The following TMEM38A variants were observed in gnomAD, a reference collection of about 807,000 sequenced individuals.
TMEM38A encodes transmembrane protein 38A.
Under a neutral mutation model 28.6 loss-of-function variants are expected in TMEM38A, and 17 were observed. The observed-to-expected ratio is 0.60, with a 90% CI of 0.41 to 0.89. The LOEUF (loss-of-function observed/expected upper bound fraction) is 0.89, where lower values mean the gene tolerates loss of function less well. Among genes scored for constraint, TMEM38A ranks in the 40% least tolerant of loss-of-function variants. The pLI is 0.00. For missense variants in TMEM38A, 328 were observed against 393.1 expected (o/e 0.83, Z 1.40); for synonymous variants, 169 against 166.1 (o/e 1.02, Z -0.14).
intron 1 of TMEM38A, among the ~76,000 whole-genome samples, chr19:16,667,476 G>T (rs185821867): frequency 6.6e-6 from 1 of 152,128 alleles, no homozygotes; most frequent in African/African-American, 2.4e-5. Flanking sequence ...AATCCTGGTT[G>T]CCTTGAGCCT....
At chr19:16,680,221 G>T in intron 2 of TMEM38A, 81 bp downstream of exon 2, 1 of 1,552,318 alleles carries the variant, frequency 6.4e-7, no homozygotes, top group African/African-American at 1.4e-5. Context: ...GAGGTTGGAG[G>T]AATTAGAATG....
In TMEM38A at chr19:16,661,292, C is replaced by T. The variant is rs775502907; in HGVS notation, c.75C>T (p.Phe25=). The T allele has an allele frequency of 1.3e-6, 2 of 1,599,932 alleles. No individual in the cohort carries two copies. Among genetic ancestry groups the T allele is most frequent in the Admixed American group, 1.7e-5 (1 of 58,556 alleles). The change falls in exon 1 of 6, where the codon TTC becomes TTT. Residue 25 remains phenylalanine, a synonymous_variant. Transcript: ENST00000187762. This position sits in a 1 kb window ranked among gnomAD's most constrained non-coding sequence, Gnocchi z 6.5. ...SFSRVPLFPV[F]DLSYFIVSIL... ...CGCGGGTGCCGCTCTTCCCCGTCTTCGACCTCAGTTACTTCATCGTCTCCA... is the reference window on the plus strand; with the variant it reads ...CGCGGGTGCCGCTCTTCCCCGTCTTTGACCTCAGTTACTTCATCGTCTCCA...
intron 1 of TMEM38A, among the ~76,000 whole-genome samples, chr19:16,670,269 G>GTTTT (rs1411682446): frequency 8.2e-6 from 1 of 121,410 alleles, no homozygotes; most frequent in African/African-American, 3.2e-5. Context: ...CGCCCGGCCT[G>GTTTT]TTTTTTGTTT....
intron 3 of TMEM38A, among the ~76,000 whole-genome samples, chr19:16,682,030 T>C (rs539590967): frequency 1.9e-4 from 29 of 152,154 alleles, no homozygotes; most frequent in Non-Finnish European, 2.5e-4. Flanking sequence ...CTCCAGAGGA[T>C]GGGTGGCTTG....
At position 16,672,446 on chromosome 19, in the gene TMEM38A, A is replaced by ATTTTTTTT. The variant is rs746189021; in HGVS notation, c.125-7525_125-7518dup. ...TAAAAAAAAATCACAAAAAAACCTCATTTTTTTTTTTTTTTTTTTTGAGGC... is the reference window on the plus strand; with the variant it reads ...TAAAAAAAAATCACAAAAAAACCTCATTTTTTTTTTTTTTTTTTTTTTTTTTTTGAGGC... On this transcript the variant is annotated intron_variant, in intron 1 of 5. Transcript: ENST00000187762. Among the ~76,000 whole-genome samples the ATTTTTTTT allele has an allele frequency of 9.9e-3, 1,042 of 104,936 alleles. 108 individuals are homozygous for ATTTTTTTT. Among genetic ancestry groups the ATTTTTTTT allele is most frequent in the African/African-American group, 0.032 (759 of 23,376 alleles). 68.8% of individuals were successfully genotyped at this position (104,936 alleles called of 152,430 possible). A position where few individuals can be genotyped will look rare whatever the true frequency, so the allele number is the denominator to read the frequency against.
chr19:16,661,424 C>G lies in TMEM38A; in HGVS notation c.124+83C>G. Reference sequence around the variant, plus strand: ...CTCGGGGGTCGCAGAGAGGGGAAGCCCGTGCGTGGTGGAGGGAGCGAGGGA... The same window carrying G: ...CTCGGGGGTCGCAGAGAGGGGAAGCGCGTGCGTGGTGGAGGGAGCGAGGGA... On this transcript the variant is annotated intron_variant, in intron 1 of 5. Transcript: ENST00000187762. The surrounding 1 kb of genome is among the most constrained non-coding windows in gnomAD (Gnocchi z 6.5). 1 of 1,254,216 alleles carries G rather than the reference C, an allele frequency of 8.0e-7. No individual in the cohort carries two copies. The highest frequency in any genetic ancestry group is 1.1e-6 in the Non-Finnish European group (1 of 931,336). The allele number at this position is 1,254,216 out of a possible 1,614,324, so 77.7% of individuals were successfully genotyped here. A position where few individuals can be genotyped will look rare whatever the true frequency, so the allele number is the denominator to read the frequency against.
chr19:16,682,497 G>A lies in TMEM38A; in HGVS notation c.543G>A (p.Leu181=), dbSNP rs772674389. The A allele has an allele frequency of 6.2e-7, 1 of 1,613,844 alleles. No individual in the cohort carries two copies. Among genetic ancestry groups the A allele is most frequent in the East Asian group, 2.2e-5 (1 of 44,880 alleles). Reference sequence around the variant, plus strand: ...GGAAGCCAGAGACCAACGAGATCCTGCACATGTCTTTGTGAGTATCCCACT... The same window carrying A: ...GGAAGCCAGAGACCAACGAGATCCTACACATGTCTTTGTGAGTATCCCACT... ...GVWKPETNEI[L]HMSFPTKASL... Residue 181 remains leucine (L), a synonymous_variant, in exon 4 of 6, where the codon CTG becomes CTA. Coordinates refer to ENST00000187762, the MANE Select transcript of TMEM38A (RefSeq NM_024074.4).
intron 1 of TMEM38A, among the ~76,000 whole-genome samples, chr19:16,663,615 G>A (rs567425232): frequency 5.3e-5 from 8 of 150,798 alleles, no homozygotes; most frequent in African/African-American, 1.2e-4. Context: ...TGCAAGCTCC[G>A]CCTCCTGGGT....
intron 1 of TMEM38A, among the ~76,000 whole-genome samples, chr19:16,671,508 C>T (rs2086727538): frequency 6.6e-6 from 1 of 152,084 alleles, no homozygotes; most frequent in South Asian, 2.1e-4. Context: ...TGCGCCTGGC[C>T]GTCATCTTGG....
At position 16,661,594 on chromosome 19, in the gene TMEM38A, G is replaced by C. The variant is rs953164299; in HGVS notation, c.124+253G>C. ...GGCGTGCGCGGGTTTAGAGGAGGGG[G>C]AACAGGTGCTTGGGGTCGGGGCTCC... On this transcript the variant is annotated intron_variant, in intron 1 of 5. Transcript: ENST00000187762. The surrounding 1 kb of genome is among the most constrained non-coding windows in gnomAD (Gnocchi z 6.5). 1.3e-5 allele frequency among the ~76,000 whole-genome samples: 2 copies of C among 152,050 alleles called. No homozygotes were observed. Among genetic ancestry groups the C allele is most frequent in the African/African-American group, 4.8e-5 (2 of 41,400 alleles).
chr19:16,669,936 TTC>T (rs1418301302), intron 1 of TMEM38A, among the ~76,000 whole-genome samples: 1 of 151,890 alleles, frequency 6.6e-6, no homozygotes, highest in Non-Finnish European at 1.5e-5. Flanking sequence ...GCTGATTTTT[TTC>T]TGTTTGTTTA....
chr19:16,661,211 G>A lies in TMEM38A; in HGVS notation c.-7G>A, dbSNP rs775243336. On this transcript the variant is annotated 5_prime_UTR_variant, in exon 1 of 6. Transcript: ENST00000187762. This position sits in a 1 kb window ranked among gnomAD's most constrained non-coding sequence, Gnocchi z 6.5. ...GGTGGCACCCGGCAGGCGGGCAGGC[G>A]GGCGCCATGGAGCTGCTCTCGGCGC... The A allele has an allele frequency of 1.7e-5, 25 of 1,476,902 alleles. No homozygotes were observed. The highest frequency in any genetic ancestry group is 2.1e-5 in the Non-Finnish European group (23 of 1,105,010). The allele number at this position is 1,476,902 out of a possible 1,614,324, so 91.5% of individuals were successfully genotyped here.
At chr19:16,668,941 G>C (rs148234228) in intron 1 of TMEM38A, among the ~76,000 whole-genome samples, 1 of 149,804 alleles carries the variant, frequency 6.7e-6, no homozygotes, top group Non-Finnish European at 1.5e-5. Context: ...TGATTCTCCT[G>C]TGTCAGCCTC....
At position 16,683,944 on chromosome 19, in the gene TMEM38A, T is replaced by C. The variant is rs992028520; in HGVS notation, c.554+1436T>C. Among the ~76,000 whole-genome samples, 21 of 148,380 alleles carry C rather than the reference T, an allele frequency of 1.4e-4. No homozygotes were observed. The East Asian group carries it at 2.6e-3, about 18-fold the overall frequency. Reference sequence around the variant, plus strand: ...GAGATCACGCTATTGCACTCCAGCCTGGGCAGCAAGAGCGAAATTCCATCT... The same window carrying C: ...GAGATCACGCTATTGCACTCCAGCCCGGGCAGCAAGAGCGAAATTCCATCT... On this transcript the variant is annotated intron_variant, in intron 4 of 5. Coordinates refer to ENST00000187762, the MANE Select transcript of TMEM38A (RefSeq NM_024074.4).
intron 4 of TMEM38A, 58 bp downstream of exon 4, chr19:16,682,566 C>T: frequency 1.3e-6 from 2 of 1,492,492 alleles, no homozygotes; most frequent in Non-Finnish European, 1.9e-6. Context: ...GTGCCTGACC[C>T]TGAGTTGGAT....
chr19:16,684,892 C>A (rs887975592), intron 4 of TMEM38A, among the ~76,000 whole-genome samples: 5 of 143,064 alleles, frequency 3.5e-5, no homozygotes, highest in African/African-American at 1.1e-4. Flanking sequence ...AAAAAAAAAA[C>A]TTAAAAATTA....
chr19:16,672,401 C>T (rs1175612051), intron 1 of TMEM38A, among the ~76,000 whole-genome samples: 1 of 149,874 alleles, frequency 6.7e-6, no homozygotes, highest in Admixed American at 6.7e-5. Context: ...TACACTCACA[C>T]TAACGATAGC....
In TMEM38A at chr19:16,668,527, TG is replaced by T. The variant is rs961910658; in HGVS notation, c.124+7191del. ...CAAAAAAAAAAAAAAAAAAAAGAGATGGGGGTTCTGTTGTGTTGCCCAGGGT... is the reference window on the plus strand; with the variant it reads ...CAAAAAAAAAAAAAAAAAAAAGAGATGGGGTTCTGTTGTGTTGCCCAGGGT... On this transcript the variant is annotated intron_variant, in intron 1 of 5. Coordinates refer to ENST00000187762, the MANE Select transcript of TMEM38A (RefSeq NM_024074.4). 5.0e-4 allele frequency among the ~76,000 whole-genome samples: 71 copies of T among 140,812 alleles called. 1 individual carries two copies. The highest frequency in any genetic ancestry group is 9.4e-4 in the Non-Finnish European group (61 of 65,228). The allele number at this position is 140,812 out of a possible 152,430, so 92.4% of individuals were successfully genotyped here.
intron 1 of TMEM38A, among the ~76,000 whole-genome samples, chr19:16,676,492 G>T (rs1396234300): frequency 2.0e-5 from 3 of 152,154 alleles, no homozygotes; most frequent in African/African-American, 4.8e-5. Flanking sequence ...GTACAGAGTA[G>T]CTGTACCTTA....
Sources: allele counts gnomAD v4.1 joint callset (sites outside exome capture counted in the v4.1 genomes callset), GRCh38; gene constraint gnomAD v4.1.1; non-coding constraint Gnocchi (gnomAD v3.1); transcripts MANE v1.5; gene names NCBI Gene and HGNC (gene_info 2026-07-23, HGNC 2026-07-21).